The following MACROD2 variants were observed in gnomAD, a reference collection of about 807,000 sequenced individuals.
MACROD2 encodes ADP-ribose glycohydrolase MACROD2.
Under a neutral mutation model 70.4 loss-of-function variants are expected in MACROD2, and 36 were observed. The observed-to-expected ratio is 0.51, with a 90% CI of 0.39 to 0.68. The LOEUF is 0.68. MACROD2 is among the 30% of genes least tolerant of loss of function. The pLI, the probability that MACROD2 is intolerant of heterozygous loss-of-function variation, is 0.00. For synonymous variants in MACROD2, 172 were observed against 178.8 expected (o/e 0.96, Z 0.30); for missense variants, 496 against 538.4 (o/e 0.92, Z 0.78).
rs1028543763 is a variant in MACROD2 at position 15,092,212 on chromosome 20, A to C, written c.419-137728A>C. Among the ~76,000 whole-genome samples the C allele has an allele frequency of 7.9e-5, 12 of 152,060 alleles. 1 individual carries two copies. The highest frequency in any genetic ancestry group is 2.9e-5 in the Non-Finnish European group (2 of 67,964). On this transcript the variant is annotated intron_variant, in intron 5 of 17. Transcript: ENST00000684519. ...TTGTAGAGCAAATAGATATAAATTA[A>C]AACTTTTGCTAGTAGATTTTTATTT...
intron 5 of MACROD2, among the ~76,000 whole-genome samples, chr20:15,134,157 C>G (rs369097669): frequency 1.6e-4 from 24 of 146,304 alleles, no homozygotes; most frequent in Non-Finnish European, 2.1e-4. Context: ...CCTCCCGCCT[C>G]GCCTCCCAAA....
intron 8 of MACROD2, among the ~76,000 whole-genome samples, chr20:15,767,322 A>G (rs986041467): frequency 3.9e-5 from 6 of 152,212 alleles, no homozygotes; most frequent in Admixed American, 6.5e-5. Context: ...ACAGCTGCCT[A>G]AGGTTGTATA....
At chr20:14,818,714 G>GTACT (rs908058120) in intron 5 of MACROD2, among the ~76,000 whole-genome samples, 3 of 150,552 alleles carry the variant, frequency 2.0e-5, no homozygotes, top group African/African-American at 7.3e-5. Context: ...TTAGGGATAT[G>GTACT]TACTTATTAA....
At chr20:15,106,766 A>G (rs568726457) in intron 5 of MACROD2, among the ~76,000 whole-genome samples, 1 of 152,244 alleles carries the variant, frequency 6.6e-6, no homozygotes, top group African/African-American at 2.4e-5. Flanking sequence ...AGGACAGAGC[A>G]CTGCCCAGAT....
In MACROD2 at chr20:15,829,925, A is replaced by G. The variant is rs73898521; in HGVS notation, c.646-32820A>G. Among the ~76,000 whole-genome samples the G allele has an allele frequency of 7.6e-3, 1,164 of 152,350 alleles. 17 individuals carry two copies. The highest frequency in any genetic ancestry group is 0.051 in the Middle Eastern group (15 of 294). On this transcript the variant is annotated intron_variant, in intron 8 of 17. Transcript: ENST00000684519. ...TCTGGAAGGAAGAAATTTTGAAGGA[A>G]GGATGAAGAAAAAGACTTTGCAGAC...
intron 8 of MACROD2, among the ~76,000 whole-genome samples, chr20:15,627,711 A>G (rs939953977): frequency 2.0e-5 from 3 of 152,234 alleles, no homozygotes; most frequent in African/African-American, 7.2e-5. Flanking sequence ...AGGCCAGTCT[A>G]CAATAGTGAT....
intron 8 of MACROD2, among the ~76,000 whole-genome samples, chr20:15,560,907 G>A (rs1347521420): frequency 6.6e-6 from 1 of 151,920 alleles, no homozygotes; most frequent in Non-Finnish European, 1.5e-5. Flanking sequence ...TTGAGTAAAG[G>A]GGAAAGAATA....
intron 5 of MACROD2, among the ~76,000 whole-genome samples, chr20:14,982,803 T>C (rs1396112654): frequency 2.6e-5 from 4 of 152,156 alleles, no homozygotes; most frequent in Admixed American, 6.5e-5. Flanking sequence ...GGGCAGTGCA[T>C]TGGGCAGTGT....
At chr20:14,423,905 G>A (rs1393206801) in intron 3 of MACROD2, among the ~76,000 whole-genome samples, 1 of 151,336 alleles carries the variant, frequency 6.6e-6, no homozygotes, top group Admixed American at 6.6e-5. Flanking sequence ...TGGCATTACA[G>A]GCATGTGCCA....
intron 8 of MACROD2, among the ~76,000 whole-genome samples, chr20:15,695,257 A>G (rs1383209454): frequency 1.3e-5 from 2 of 152,104 alleles, no homozygotes; most frequent in Non-Finnish European, 2.9e-5. Context: ...TGTGAAGAAT[A>G]ACAGTGGTAT....
chr20:14,914,946 C>T (rs917260964), intron 5 of MACROD2, among the ~76,000 whole-genome samples: 2 of 152,152 alleles, frequency 1.3e-5, no homozygotes, highest in African/African-American at 4.8e-5. Flanking sequence ...GTTGCACTCC[C>T]AGAGGATCAA....
intron 1 of MACROD2, among the ~76,000 whole-genome samples, chr20:14,001,236 A>G (rs140958532): frequency 3.9e-5 from 6 of 152,332 alleles, no homozygotes; most frequent in African/African-American, 4.8e-5. Flanking sequence ...CAAAATTGGC[A>G]TAATAATACT....
chr20:15,592,891 T>C (rs919509191), intron 8 of MACROD2, among the ~76,000 whole-genome samples: 4 of 152,072 alleles, frequency 2.6e-5, no homozygotes, highest in African/African-American at 9.7e-5. Flanking sequence ...GTCAAATGGG[T>C]TCAAGCTTTT....
At chr20:14,240,754 G>A (rs529850636) in intron 3 of MACROD2, among the ~76,000 whole-genome samples, 9 of 152,242 alleles carry the variant, frequency 5.9e-5, no homozygotes, top group Admixed American at 2.6e-4. Context: ...CTATTACCTG[G>A]GTGACTGAAT....
chr20:15,890,230 C>A (rs2064871098), intron 10 of MACROD2, among the ~76,000 whole-genome samples: 1 of 152,104 alleles, frequency 6.6e-6, no homozygotes, highest in African/African-American at 2.4e-5. Context: ...ACATGGAAGT[C>A]TTTTTAAATA....
chr20:14,652,056 G>T (rs1354707542), intron 4 of MACROD2, among the ~76,000 whole-genome samples: 1 of 152,070 alleles, frequency 6.6e-6, no homozygotes, highest in African/African-American at 2.4e-5. Flanking sequence ...AGATATCAAG[G>T]CAGGGCAAAG....
chr20:14,188,509 A>G (rs1216377177), intron 3 of MACROD2, among the ~76,000 whole-genome samples: 3 of 152,156 alleles, frequency 2.0e-5, no homozygotes, highest in Admixed American at 2.0e-4. Flanking sequence ...AATAGTTTAA[A>G]GAGAGCATTA....
chr20:15,789,391 G>T (rs1232899922), intron 8 of MACROD2, among the ~76,000 whole-genome samples: 1 of 152,082 alleles, frequency 6.6e-6, no homozygotes, highest in African/African-American at 2.4e-5. Flanking sequence ...GACCCAGCTG[G>T]TCAACATTCA....
intron 4 of MACROD2, among the ~76,000 whole-genome samples, chr20:14,601,716 T>G (rs1982511055): frequency 1.3e-5 from 2 of 152,166 alleles, no homozygotes. Flanking sequence ...AAGTCATAAC[T>G]TAGCACTGGA....
Sources: gnomAD v4.1 joint callset for allele counts (sites outside exome capture counted in the v4.1 genomes callset) on GRCh38, gnomAD v4.1.1 for gene constraint, MANE v1.5 for transcripts, NCBI Gene and HGNC (gene_info 2026-07-23, HGNC 2026-07-21) for gene names.